Variants in PITPNC1 observed in about 807,000 individuals in gnomAD.
PITPNC1 encodes phosphatidylinositol transfer protein cytoplasmic 1.
Under a neutral mutation model 44.7 loss-of-function variants are expected in PITPNC1, and 18 were observed. The ratio of observed to expected loss-of-function variants is 0.40; its 90% confidence interval spans 0.28 to 0.60. The LOEUF (loss-of-function observed/expected upper bound fraction) is 0.60. PITPNC1 is among the 20% of genes least tolerant of loss of function. The probability of loss-of-function intolerance (pLI) is 0.39; values close to 1 mark genes in which losing one functional copy is unlikely to be tolerated. For missense variants in PITPNC1, 290 were observed against 418.4 expected (o/e 0.69, Z 2.68); for synonymous variants, 141 against 149.6 (o/e 0.94, Z 0.42).
intron 1 of PITPNC1, among the ~76,000 whole-genome samples, chr17:67,491,217 G>T (rs1024610716): frequency 5.3e-5 from 8 of 152,214 alleles, no homozygotes; most frequent in African/African-American, 1.9e-4. Context: ...GCGTGTGAAC[G>T]CAGCCGGCCA....
At chr17:67,621,863 C>T (rs1172079800) in intron 5 of PITPNC1, among the ~76,000 whole-genome samples, 2 of 152,050 alleles carry the variant, frequency 1.3e-5, no homozygotes, top group African/African-American at 4.8e-5. Flanking sequence ...ACCCGTAATC[C>T]TAACAACACT....
chr17:67,398,509 G>C lies in PITPNC1; in HGVS notation c.48+20307G>C, dbSNP rs200902519. The stretch of plus-strand genomic sequence containing the variant: ...GCATTGGTTGTGCGACGTGCAGTTG[G>C]GTGTTGTGGAGAAGAATTGGGCCCT... On this transcript the variant is annotated intron_variant, in intron 1 of 8. Transcript: ENST00000581322. Among the ~76,000 whole-genome samples the C allele has an allele frequency of 4.2e-4, 51 of 121,078 alleles. 1 individual carries two copies. In the East Asian group the frequency reaches 5.9e-3, roughly 14 times the overall value. The allele number at this position is 121,078 out of a possible 152,430, so 79.4% of individuals were successfully genotyped here.
At chr17:67,421,396 C>T (rs1469053270) in intron 1 of PITPNC1, among the ~76,000 whole-genome samples, 2 of 152,126 alleles carry the variant, frequency 1.3e-5, no homozygotes, top group Non-Finnish European at 2.9e-5. Flanking sequence ...GATTCTCCTG[C>T]CTCAGCCTCC....
intron 1 of PITPNC1, among the ~76,000 whole-genome samples, chr17:67,526,402 G>A (rs2040391999): frequency 6.6e-6 from 1 of 152,166 alleles, no homozygotes; most frequent in Non-Finnish European, 1.5e-5. Flanking sequence ...AGAAGTTTTG[G>A]CTTGGGGTTG....
intron 4 of PITPNC1, 128 bp from the exon 5 acceptor site, chr17:67,578,058 G>A: frequency 1.4e-6 from 1 of 718,010 alleles, no homozygotes; most frequent in Non-Finnish European, 2.5e-6. Flanking sequence ...TATTGACTTA[G>A]TATCTTAACA....
intron 5 of PITPNC1, among the ~76,000 whole-genome samples, chr17:67,585,793 A>C (rs1379385066): frequency 6.6e-6 from 1 of 152,188 alleles, no homozygotes; most frequent in Admixed American, 6.5e-5. Flanking sequence ...TGATAGAGAG[A>C]GACGCTGTCT....
At chr17:67,555,494 C>A (rs145437052) in intron 4 of PITPNC1, among the ~76,000 whole-genome samples, 1 of 152,030 alleles carries the variant, frequency 6.6e-6, no homozygotes, top group Non-Finnish European at 1.5e-5. Flanking sequence ...AACACTACCC[C>A]CTAGTTCCAT....
chr17:67,572,022 G>A (rs1004648288), intron 4 of PITPNC1, among the ~76,000 whole-genome samples: 2 of 152,174 alleles, frequency 1.3e-5, no homozygotes, highest in African/African-American at 4.8e-5. Context: ...TCCTTCATAT[G>A]CTGTGGGCCA....
At chr17:67,673,966 CAAAAAAAAAAAAA>C (rs34458518) in intron 7 of PITPNC1, among the ~76,000 whole-genome samples, 2 of 84,884 alleles carry the variant, frequency 2.4e-5, no homozygotes, top group African/African-American at 9.1e-5. Context: ...GACTCCGTCT[CAAAAAAAAAAAAA>C]AAAAAAAAAA....
intron 1 of PITPNC1, chr17:67,471,414 A>G: frequency 3.0e-6 from 1 of 330,626 alleles, no homozygotes; most frequent in East Asian, 1.5e-4. Flanking sequence ...TAAAGTTGCA[A>G]TGAACATTCA....
intron 1 of PITPNC1, among the ~76,000 whole-genome samples, chr17:67,426,659 A>C (rs1342840040): frequency 6.6e-6 from 1 of 152,182 alleles, no homozygotes; most frequent in African/African-American, 2.4e-5. Context: ...TAGGTGCAGC[A>C]AACCACCATG....
intron 2 of PITPNC1, among the ~76,000 whole-genome samples, chr17:67,534,527 A>G (rs919887761): frequency 1.3e-5 from 2 of 151,940 alleles, no homozygotes; most frequent in African/African-American, 4.8e-5. Context: ...AGCCCCAGCT[A>G]CTTGGAAGGC....
intron 1 of PITPNC1, among the ~76,000 whole-genome samples, chr17:67,401,685 A>G (rs949180439): frequency 1.3e-5 from 2 of 151,960 alleles, no homozygotes; most frequent in Non-Finnish European, 2.9e-5. Context: ...CTCCACTAAA[A>G]ATACAAAAAT....
chr17:67,427,592 A>G (rs2038789769), intron 1 of PITPNC1, among the ~76,000 whole-genome samples: 1 of 152,134 alleles, frequency 6.6e-6, no homozygotes, highest in Admixed American at 6.6e-5. Flanking sequence ...TGTATTTTCA[A>G]AGTCATCCTT....
chr17:67,667,345 A>G (rs1031852762), intron 6 of PITPNC1, among the ~76,000 whole-genome samples: 5 of 152,020 alleles, frequency 3.3e-5, no homozygotes, highest in Non-Finnish European at 5.9e-5. Context: ...CCTGGGCAAC[A>G]TGGCAATACC....
At chr17:67,586,079 A>G (rs1469272783) in intron 5 of PITPNC1, among the ~76,000 whole-genome samples, 1 of 152,160 alleles carries the variant, frequency 6.6e-6, no homozygotes, top group African/African-American at 2.4e-5. Context: ...AACTGTTGGA[A>G]AACCACTGGC....
chr17:67,675,330 C>G (rs2042583132), intron 7 of PITPNC1, 149 bp from the exon 8 acceptor site: 6 of 651,196 alleles, frequency 9.2e-6, no homozygotes, highest in Non-Finnish European at 1.7e-5. Flanking sequence ...ACTATAGGAC[C>G]TATAGGCAGC....
At chr17:67,616,478 T>C (rs1218881320) in intron 5 of PITPNC1, among the ~76,000 whole-genome samples, 1 of 152,202 alleles carries the variant, frequency 6.6e-6, no homozygotes, top group Non-Finnish European at 1.5e-5. Flanking sequence ...CTAGGGCACC[T>C]GATTAGAACG....
intron 6 of PITPNC1, among the ~76,000 whole-genome samples, chr17:67,667,842 TGGTGGCG>T (rs1216741456): frequency 6.6e-6 from 1 of 152,008 alleles, no homozygotes; most frequent in African/African-American, 2.4e-5. Context: ...TAGCTGGGCA[TGGTGGCG>T]GGTGCCTGTG....
Sources: allele counts gnomAD v4.1 joint callset (sites outside exome capture counted in the v4.1 genomes callset), GRCh38; gene constraint gnomAD v4.1.1; transcripts MANE v1.5; gene names NCBI Gene and HGNC (gene_info 2026-07-23, HGNC 2026-07-21).